Variants in DHRS7B observed in about 807,000 individuals in gnomAD.
The protein encoded by DHRS7B is peroxisomal reductase activating PPAR-gamma.
Under a neutral mutation model 26.4 loss-of-function variants are expected in DHRS7B, and 24 were observed. That is an observed-to-expected ratio of 0.91 (90% CI 0.66 to 1.28). DHRS7B has a LOEUF of 1.28. Among genes scored for constraint, DHRS7B ranks in the 50% most tolerant of loss-of-function variants. DHRS7B has a pLI of 0.00. For synonymous variants in DHRS7B, 142 were observed against 166.4 expected (o/e 0.85, Z 1.13); for missense variants, 368 against 419.4 (o/e 0.88, Z 1.07).
chr17:21,188,737 GCTTT>G lies in DHRS7B; in HGVS notation c.651_654del (p.Phe217LeufsTer15). ...TGCAGCCTCCAAGCACGCAACCCAGGCTTTCTTTGACTGTCTGCGTGCCGAGATG... is the reference window on the plus strand; with the variant it reads ...TGCAGCCTCCAAGCACGCAACCCAGGCTTTGACTGTCTGCGTGCCGAGATG... On this transcript the variant is annotated frameshift_variant, in exon 6 of 7. Coordinates refer to ENST00000395511, the MANE Select transcript of DHRS7B (RefSeq NM_015510.5). LOFTEE classifies it high-confidence loss of function. 2 of 1,604,162 alleles carry G rather than the reference GCTTT, an allele frequency of 1.2e-6. No individual in the cohort carries two copies. Among genetic ancestry groups the G allele is most frequent in the Non-Finnish European group, 1.7e-6 (2 of 1,174,908 alleles).
At chr17:21,148,835 G>A (rs1247806785) in intron 1 of DHRS7B, among the ~76,000 whole-genome samples, 1 of 152,100 alleles carries the variant, frequency 6.6e-6, no homozygotes, top group East Asian at 1.9e-4. Context: ...AAAACTACCT[G>A]AAAAGGCCCA....
chr17:21,134,798 G>T (rs1281118460), intron 1 of DHRS7B, among the ~76,000 whole-genome samples: 1 of 152,168 alleles, frequency 6.6e-6, no homozygotes, highest in Non-Finnish European at 1.5e-5. Context: ...ATTGTTAAAA[G>T]CTGTCAGTAG....
chr17:21,167,525 TG>T (rs1974141643), intron 1 of DHRS7B, among the ~76,000 whole-genome samples: 1 of 152,236 alleles, frequency 6.6e-6, no homozygotes, highest in Non-Finnish European at 1.5e-5. Flanking sequence ...TGACTATGAC[TG>T]CACACATTCC....
At chr17:21,186,411 T>G (rs1400105162) in intron 5 of DHRS7B, among the ~76,000 whole-genome samples, 1 of 152,204 alleles carries the variant, frequency 6.6e-6, no homozygotes, top group Non-Finnish European at 1.5e-5. Flanking sequence ...TAACCCACTC[T>G]TCCCTGTCCC....
chr17:21,168,754 A>T, intron 1 of DHRS7B: 1 of 985,464 alleles, frequency 1.0e-6, no homozygotes, highest in African/African-American at 1.7e-5. Context: ...CCCCACAGAC[A>T]GCGGCCCGGG....
chr17:21,137,999 T>G (rs917723379), intron 1 of DHRS7B, among the ~76,000 whole-genome samples: 3 of 149,730 alleles, frequency 2.0e-5, no homozygotes, highest in African/African-American at 7.4e-5. Flanking sequence ...CCCATAGTTC[T>G]GGGATTACAT....
intron 1 of DHRS7B, among the ~76,000 whole-genome samples, chr17:21,165,414 C>T (rs1974090250): frequency 6.6e-6 from 1 of 151,954 alleles, no homozygotes; most frequent in Non-Finnish European, 1.5e-5. Context: ...CCATCTCCAC[C>T]TCCTGTGTTC....
intron 1 of DHRS7B, among the ~76,000 whole-genome samples, chr17:21,170,549 AAG>A (rs1354187852): frequency 6.6e-6 from 1 of 152,250 alleles, no homozygotes; most frequent in Non-Finnish European, 1.5e-5. Flanking sequence ...GAGGTGGATT[AAG>A]TGGCAGTTGA....
chr17:21,176,345 A>C (rs1974378972), intron 2 of DHRS7B, among the ~76,000 whole-genome samples: 1 of 152,000 alleles, frequency 6.6e-6, no homozygotes, highest in African/African-American at 2.4e-5. Context: ...TCATGCCTGT[A>C]ATCTCAGCAT....
intron 1 of DHRS7B, among the ~76,000 whole-genome samples, chr17:21,156,336 G>C (rs1276858507): frequency 6.6e-6 from 1 of 151,300 alleles, no homozygotes; most frequent in Non-Finnish European, 1.5e-5. Flanking sequence ...CCGGGCGTGG[G>C]GGTTCACGCC....
In DHRS7B at chr17:21,140,022, C is replaced by CTTTTTTTTTTTTTT. The variant is rs201900387; in HGVS notation, c.20+13038_20+13051dup. On this transcript the variant is annotated intron_variant, in intron 1 of 6. Coordinates refer to ENST00000395511, the MANE Select transcript of DHRS7B (RefSeq NM_015510.5). ...TTTTTTCCTATCAGACTTTCAGATT[C>CTTTTTTTTTTTTTT]TTTTTTTTTTTTTTTTTTTTGAGAC... 7.3e-4 allele frequency among the ~76,000 whole-genome samples: 78 copies of CTTTTTTTTTTTTTT among 106,690 alleles called. 8 individuals are homozygous for CTTTTTTTTTTTTTT. Among genetic ancestry groups the CTTTTTTTTTTTTTT allele is most frequent in the Non-Finnish European group, 9.2e-4 (50 of 54,608 alleles). The allele number at this position is 106,690 out of a possible 152,430, so 70.0% of individuals were successfully genotyped here.
At chr17:21,130,703 A>G (rs1973211008) in intron 1 of DHRS7B, among the ~76,000 whole-genome samples, 1 of 152,160 alleles carries the variant, frequency 6.6e-6, no homozygotes, top group Non-Finnish European at 1.5e-5. Flanking sequence ...TTGCATGACA[A>G]CTAAAAAAAA....
chr17:21,131,527 C>T (rs988487828), intron 1 of DHRS7B, among the ~76,000 whole-genome samples: 11 of 152,308 alleles, frequency 7.2e-5, no homozygotes, highest in South Asian at 4.1e-4. Flanking sequence ...GGGTTTTGGC[C>T]GGCTTCTTTA....
At chr17:21,154,568 GAT>G (rs2144019816) in intron 1 of DHRS7B, among the ~76,000 whole-genome samples, 1 of 152,234 alleles carries the variant, frequency 6.6e-6, no homozygotes, top group South Asian at 2.1e-4. Flanking sequence ...GAAAGAAAAT[GAT>G]ATGAGTCAGA....
Position 21,168,936 on chromosome 17 carries a change from TTGAG to T in DHRS7B, c.21-3080_21-3077del, listed in dbSNP as rs1230586257. On this transcript the variant is annotated intron_variant, in intron 1 of 6. Transcript: ENST00000395511. The stretch of plus-strand genomic sequence containing the variant: ...TTTCTTCATGTCATGGATTGCTGGC[TTGAG>T]TTTTAATTAGGTTGCATGAAAGTGC... 3.0e-6 allele frequency: 3 copies of T among 984,626 alleles called. No homozygotes were observed. In the African/African-American group the frequency reaches 5.2e-5, roughly 17 times the overall value. 61.0% of individuals were successfully genotyped at this position (984,626 alleles called of 1,614,324 possible).
At chr17:21,129,721 A>G (rs112840652) in intron 1 of DHRS7B, among the ~76,000 whole-genome samples, 23 of 149,254 alleles carry the variant, frequency 1.5e-4, no homozygotes, top group African/African-American at 4.8e-4. Context: ...AAAAAAAAAA[A>G]AAAGAAAAAG....
chr17:21,135,995 G>C (rs924087719), intron 1 of DHRS7B, among the ~76,000 whole-genome samples: 1 of 152,118 alleles, frequency 6.6e-6, no homozygotes, highest in African/African-American at 2.4e-5. Flanking sequence ...ATTGCAGTCA[G>C]TGTTTAAGAT....
intron 1 of DHRS7B, among the ~76,000 whole-genome samples, chr17:21,139,485 C>A (rs1973440484): frequency 6.6e-6 from 1 of 151,992 alleles, no homozygotes; most frequent in African/African-American, 2.4e-5. Context: ...ACCAGCCTGA[C>A]CAATGTGGTG....
intron 1 of DHRS7B, among the ~76,000 whole-genome samples, chr17:21,132,141 C>G (rs1973242669): frequency 6.6e-6 from 1 of 151,996 alleles, no homozygotes; most frequent in East Asian, 1.9e-4. Context: ...CAGAGTGACT[C>G]TGGGGTAGCT....
Sources: gnomAD v4.1 joint callset for allele counts (sites outside exome capture counted in the v4.1 genomes callset) on GRCh38, gnomAD v4.1.1 for gene constraint, MANE v1.5 for transcripts, NCBI Gene and HGNC (gene_info 2026-07-23, HGNC 2026-07-21) for gene names.